The following ZNF347 variants were observed in gnomAD, a reference collection of about 807,000 sequenced individuals.
ZNF347 encodes the protein zinc finger protein 347.
In ZNF347, 19 loss-of-function variants were observed where a neutral mutation model predicts 12.9. The ratio of observed to expected loss-of-function variants is 1.47; its 90% confidence interval spans 1.03 to 2.16. ZNF347 has a LOEUF of 2.16. Ranked by LOEUF, ZNF347 falls within the 30% of genes most tolerant of loss-of-function variation. The pLI is 0.00. For missense variants in ZNF347, 1,005 were observed against 990.6 expected (o/e 1.01, Z -0.19); for synonymous variants, 328 against 340.6 (o/e 0.96, Z 0.41).
At chr19:53,143,690 G>A (rs541055050) in intron 4 of ZNF347, among the ~76,000 whole-genome samples, 3 of 152,042 alleles carry the variant, frequency 2.0e-5, no homozygotes, top group Non-Finnish European at 4.4e-5. Context: ...ATAAACATAC[G>A]TGTGCATGTG....
chr19:53,142,197 C>T lies in ZNF347; in HGVS notation c.631G>A (p.Glu211Lys). Reference protein sequence around the residue: ...EGKIYECNQVEKSFNNNSSVS... With the variant: ...EGKIYECNQVKKSFNNNSSVS... ...GAGGAATTATTGTTGAAAGACTTCT[C>T]AACCTGATTACATTCATAAATTTTC... Residue 211 changes from glutamate to lysine, a missense_variant, in exon 5 of 5, where the codon GAG becomes AAG. By Grantham distance (56) the Glu-to-Lys change is moderately conservative. Coordinates refer to ENST00000334197, the MANE Select transcript of ZNF347 (RefSeq NM_032584.3). 1 of 1,613,938 alleles carries T rather than the reference C, an allele frequency of 6.2e-7. No individual in the cohort carries two copies.
At chr19:53,149,204 G>C (rs1223028733) in intron 3 of ZNF347, 37 bp downstream of exon 3, 1 of 1,607,310 alleles carries the variant, frequency 6.2e-7, no homozygotes, top group Non-Finnish European at 8.5e-7. Context: ...AGATACACAG[G>C]GGCAGATCCT....
chr19:53,145,244 T>C (rs373367810), intron 4 of ZNF347, among the ~76,000 whole-genome samples: 263 of 148,898 alleles, frequency 1.8e-3, no homozygotes, highest in Middle Eastern at 0.01. Context: ...TGAGCCAAGA[T>C]TGTGCCATGC....
In ZNF347 at chr19:53,135,323, TATATATATATATATATAGAGAGAGAG is replaced by T. The variant is rs1432458087; in HGVS notation, c.*4959_*4984del. 12 of 52,588 alleles carry T rather than the reference TATATATATATATATATAGAGAGAGAG, an allele frequency of 2.3e-4. No individual in the cohort carries two copies. Among genetic ancestry groups the T allele is most frequent in the Non-Finnish European group, 5.1e-4 (12 of 23,754 alleles). The allele number at this position is 52,588 out of a possible 1,614,324, so 3.3% of individuals were successfully genotyped here. The stretch of plus-strand genomic sequence containing the variant: ...AAATATATATATATATATATATATA[TATATATATATATATATAGAGAGAGAG>T]AGAGAGAGAGAGAGAGAGAAAGAGA... On this transcript the variant is annotated 3_prime_UTR_variant, in exon 5 of 5. Coordinates refer to ENST00000334197, the MANE Select transcript of ZNF347 (RefSeq NM_032584.3).
chr19:53,136,017 A>G lies in ZNF347; in HGVS notation c.*4291T>C, dbSNP rs1366371219. 6.6e-6 allele frequency: 1 copy of G among 152,108 alleles called. No homozygotes were observed. Among genetic ancestry groups the G allele is most frequent in the Non-Finnish European group, 1.5e-5 (1 of 68,040 alleles). The allele number at this position is 152,108 out of a possible 1,614,324, so 9.4% of individuals were successfully genotyped here. On this transcript the variant is annotated 3_prime_UTR_variant, in exon 5 of 5. Transcript: ENST00000334197. The stretch of plus-strand genomic sequence containing the variant: ...AAGTTGAATTGCCTCCAGGGATTCA[A>G]TGAGAGAAATTATCTCCTTTGCATA...
chr19:53,141,688 T>C lies in ZNF347; in HGVS notation c.1140A>G (p.Lys380=), dbSNP rs2090428495. ...CTAAGCTTGAACGAGCTCTAAAGGC[T>C]TTCCCACACTCATTACACTTGTAAG... The part of the protein sequence containing the change: ...EKPYKCNECG[K]AFRARSSLAI... Residue 380 remains lysine (K), a synonymous_variant, in exon 5 of 5, where the codon AAA becomes AAG. Transcript: ENST00000334197. 2 of 1,613,992 alleles carry C rather than the reference T, an allele frequency of 1.2e-6. No individual in the cohort carries two copies. Among genetic ancestry groups the C allele is most frequent in the Non-Finnish European group, 8.5e-7 (1 of 1,179,976 alleles).
intron 1 of ZNF347, among the ~76,000 whole-genome samples, chr19:53,156,057 G>GGGC (rs1555802228): frequency 6.0e-5 from 8 of 132,768 alleles, no homozygotes; most frequent in African/African-American, 2.3e-4. Context: ...GGGGGGGGGG[G>GGGC]GGGTTAGGCG....
Position 53,141,236 on chromosome 19 carries a change from T to C in ZNF347, c.1592A>G (p.His531Arg), listed in dbSNP as rs754858891. 6.2e-7 allele frequency: 1 copy of C among 1,613,856 alleles called. No homozygotes were observed. The highest frequency in any genetic ancestry group is 1.1e-5 in the South Asian group (1 of 91,050). ...CTTCACTCCAGTATGAATTCTTTGA[T>C]GATTTGCAAGGTGTGAATTTTGAGT... is the stretch of plus-strand genomic sequence containing the variant. ...VFTQNSHLAN[H>R]QRIHTGVKPY... is the part of the protein sequence containing the mutation. The change falls in exon 5 of 5, where the codon CAT becomes CGT. Residue 531 changes from histidine (H) to arginine (R), a missense_variant. By Grantham distance (29) the His-to-Arg change is conservative. Transcript: ENST00000334197.
intron 1 of ZNF347, among the ~76,000 whole-genome samples, chr19:53,154,163 T>C (rs987432699): frequency 3.3e-5 from 5 of 152,028 alleles, no homozygotes; most frequent in African/African-American, 9.7e-5. Context: ...TCTCTGTGGA[T>C]TGCAGGCCAA....
In ZNF347 at chr19:53,139,814, A is replaced by C. The variant is rs1332181216; in HGVS notation, c.*494T>G. 2 of 156,218 alleles carry C rather than the reference A, an allele frequency of 1.3e-5. No individual in the cohort carries two copies. Among genetic ancestry groups the C allele is most frequent in the Non-Finnish European group, 1.4e-5 (1 of 70,436 alleles). The allele number at this position is 156,218 out of a possible 1,614,324, so 9.7% of individuals were successfully genotyped here. A position where few individuals can be genotyped will look rare whatever the true frequency, so the allele number is the denominator to read the frequency against. On this transcript the variant is annotated 3_prime_UTR_variant, in exon 5 of 5. Transcript: ENST00000334197. Reference sequence around the variant, plus strand: ...CCTGAATAAAGCCTCTGTCACACACAGTACATTTATGTGATTTCTCATTAT... The same window carrying C: ...CCTGAATAAAGCCTCTGTCACACACCGTACATTTATGTGATTTCTCATTAT...
In ZNF347 at chr19:53,142,386, C is replaced by G. The variant is rs775335421; in HGVS notation, c.442G>C (p.Ala148Pro). ...THGLEYQCRDAEGNYKGVLLT... is the reference protein window; with the variant it reads ...THGLEYQCRDPEGNYKGVLLT... ...AGCACTCCTTTGTAATTTCCTTCAG[C>G]ATCTCTGCATTGATACTCAAGGCCA... is the stretch of plus-strand genomic sequence containing the variant. Residue 148 changes from alanine to proline, a missense_variant, in exon 5 of 5, where the codon GCT becomes CCT. By Grantham distance (27) the Ala-to-Pro change is conservative. Transcript: ENST00000334197. 1 of 1,614,076 alleles carries G rather than the reference C, an allele frequency of 6.2e-7. No homozygotes were observed. Among genetic ancestry groups the G allele is most frequent in the Non-Finnish European group, 8.5e-7 (1 of 1,180,002 alleles).
chr19:53,141,631 T>G lies in ZNF347; in HGVS notation c.1197A>C (p.Lys399Asn), dbSNP rs779203214. ...AIHQATHSGE[K>N]PYKCNECGKV... Reference sequence around the variant, plus strand: ...TGCCACATTCATTACATTTGTAAGGTTTTTCTCCACTGTGGGTTGCCTGAT... The same window carrying G: ...TGCCACATTCATTACATTTGTAAGGGTTTTCTCCACTGTGGGTTGCCTGAT... Residue 399 changes from lysine to asparagine, a missense_variant, in exon 5 of 5, where the codon AAA (lysine) becomes AAC (asparagine). Transcript: ENST00000334197. 1 of 1,613,224 alleles carries G rather than the reference T, an allele frequency of 6.2e-7. No individual in the cohort carries two copies. Among genetic ancestry groups the G allele is most frequent in the South Asian group, 1.1e-5 (1 of 90,992 alleles).
At position 53,141,186 on chromosome 19, in the gene ZNF347, T is replaced by C; in HGVS notation, c.1642A>G (p.Lys548Glu). The C allele has an allele frequency of 6.2e-7, 1 of 1,608,782 alleles. No individual in the cohort carries two copies. Residue 548 changes from lysine (K) to glutamate (E), a missense_variant, in exon 5 of 5, where the codon AAA (lysine) becomes GAA (glutamate). By Grantham distance (56) the Lys-to-Glu change is moderately conservative. Transcript: ENST00000334197. ...AGGCTTGAATACACACTGAAGGCTT[T>C]GCCGCACTCATTACACATATAAGGC... Reference protein sequence around the residue: ...VKPYMCNECGKAFSVYSSLTT... With the variant: ...VKPYMCNECGEAFSVYSSLTT...
intron 4 of ZNF347, among the ~76,000 whole-genome samples, chr19:53,147,362 G>GA (rs1368745831): frequency 1.3e-5 from 2 of 151,292 alleles, no homozygotes; most frequent in East Asian, 3.9e-4. Context: ...ACAAGAGAAC[G>GA]AGACTGCATC....
At chr19:53,150,494 CACAAATAT>C in intron 2 of ZNF347, among the ~76,000 whole-genome samples, 3 of 152,190 alleles carry the variant, frequency 2.0e-5, no homozygotes, top group Admixed American at 2.0e-4. Context: ...ACAAAAAATA[CACAAATAT>C]ACAAATAAAA....
At chr19:53,152,917 A>G (rs1359651746) in intron 2 of ZNF347, among the ~76,000 whole-genome samples, 1 of 152,126 alleles carries the variant, frequency 6.6e-6, no homozygotes, top group Non-Finnish European at 1.5e-5. Flanking sequence ...GCGACAGAGC[A>G]AGACTCCGTC....
chr19:53,158,338 C>T (rs964941603), intron 1 of ZNF347, among the ~76,000 whole-genome samples: 1 of 152,180 alleles, frequency 6.6e-6, no homozygotes, highest in Non-Finnish European at 1.5e-5. Context: ...GAGGACGCGG[C>T]CTCGCCGGTA....
At chr19:53,158,350 C>T (rs957416239) in intron 1 of ZNF347, among the ~76,000 whole-genome samples, 1 of 152,130 alleles carries the variant, frequency 6.6e-6, no homozygotes, top group East Asian at 1.9e-4. Context: ...TCGCCGGTAC[C>T]GGGGCTGAGG....
In ZNF347 at chr19:53,141,710, T is replaced by A. The variant is rs1599852365; in HGVS notation, c.1118A>T (p.Tyr373Phe). Reference protein sequence around the residue: ...HRGIHTGEKPYKCNECGKAFR... With the variant: ...HRGIHTGEKPFKCNECGKAFR... ...GGCTTTCCCACACTCATTACACTTG[T>A]AAGGTTTCTCTCCAGTATGAATTCC... The change falls in exon 5 of 5, where the codon TAC becomes TTC. Residue 373 changes from tyrosine to phenylalanine, a missense_variant. By Grantham distance (22) the Tyr-to-Phe change is conservative. Transcript: ENST00000334197. 6.2e-7 allele frequency: 1 copy of A among 1,614,088 alleles called. No homozygotes were observed. Among genetic ancestry groups the A allele is most frequent in the African/African-American group, 1.3e-5 (1 of 75,058 alleles).
Sources: allele counts gnomAD v4.1 joint callset (sites outside exome capture counted in the v4.1 genomes callset), GRCh38; gene constraint gnomAD v4.1.1; transcripts MANE v1.5; gene names NCBI Gene and HGNC (gene_info 2026-07-23, HGNC 2026-07-21).